ADGRV1: variants seen among roughly 807,000 people sequenced by gnomAD.
ADGRV1 encodes adhesion G protein-coupled receptor V1, also known as G-protein coupled receptor 98.
In ADGRV1, 359 loss-of-function variants were observed where a neutral mutation model predicts 596.2. That is an observed-to-expected ratio of 0.60 (90% CI 0.55 to 0.66). The LOEUF is 0.66. Ranked by LOEUF, ADGRV1 falls within the 30% of genes least tolerant of loss-of-function variation. ADGRV1 has a pLI of 0.00. For missense variants in ADGRV1, 7,274 were observed against 7,575.6 expected (o/e 0.96, Z 1.48); for synonymous variants, 2,681 against 2,679.2 (o/e 1.00, Z -0.02).
chr5:90,660,159 T>C (rs1561475863), intron 21 of ADGRV1, among the ~76,000 whole-genome samples: 1 of 152,208 alleles, frequency 6.6e-6, no homozygotes, highest in Non-Finnish European at 1.5e-5. Context: ...TACCCCCTTA[T>C]CACTAATTTT....
At chr5:91,103,806 A>G (rs1791604199) in intron 87 of ADGRV1, among the ~76,000 whole-genome samples, 1 of 152,178 alleles carries the variant, frequency 6.6e-6, no homozygotes. Context: ...TTATTAAATA[A>G]TAAATGAGTG....
At chr5:91,145,618 T>C (rs1795471238) in intron 87 of ADGRV1, among the ~76,000 whole-genome samples, 2 of 148,660 alleles carry the variant, frequency 1.3e-5, no homozygotes. Context: ...CTTATTATCA[T>C]ACACAATTTA....
chr5:90,820,491 A>T (rs1390129286), intron 75 of ADGRV1, among the ~76,000 whole-genome samples: 1 of 150,502 alleles, frequency 6.6e-6, no homozygotes, highest in African/African-American at 2.4e-5. Context: ...TCATTAGTTG[A>T]TGCAGTTTCT....
intron 1 of ADGRV1, among the ~76,000 whole-genome samples, chr5:90,580,066 A>C (rs1429582943): frequency 2.6e-5 from 4 of 151,854 alleles, no homozygotes; most frequent in Non-Finnish European, 4.4e-5. Flanking sequence ...TCTTTATTCA[A>C]TTTGCTAGTC....
chr5:90,968,755 G>A (rs1325671779), intron 84 of ADGRV1, among the ~76,000 whole-genome samples: 1 of 152,082 alleles, frequency 6.6e-6, no homozygotes, highest in Non-Finnish European at 1.5e-5. Flanking sequence ...TAGAAGGTTA[G>A]ACTATTATTA....
intron 85 of ADGRV1, among the ~76,000 whole-genome samples, chr5:91,060,881 T>G (rs1787370220): frequency 6.6e-6 from 1 of 152,200 alleles, no homozygotes; most frequent in Non-Finnish European, 1.5e-5. Flanking sequence ...TGATGAATAA[T>G]TAAACGTTTA....
intron 59 of ADGRV1, among the ~76,000 whole-genome samples, chr5:90,767,271 GT>G (rs917494999): frequency 6.6e-6 from 1 of 152,116 alleles, no homozygotes; most frequent in Non-Finnish European, 1.5e-5. Flanking sequence ...TCGTTTTATA[GT>G]TTTTGCTTTT....
At chr5:90,766,461 G>T (rs1757158042) in intron 59 of ADGRV1, among the ~76,000 whole-genome samples, 2 of 151,960 alleles carry the variant, frequency 1.3e-5, no homozygotes, top group African/African-American at 2.4e-5. Flanking sequence ...AATACTGATG[G>T]TGTAACATAA....
chr5:91,142,732 A>G (rs1301128521), intron 87 of ADGRV1, among the ~76,000 whole-genome samples: 1 of 152,218 alleles, frequency 6.6e-6, no homozygotes, highest in Admixed American at 6.5e-5. Context: ...CGTCAAGAAC[A>G]TTTATTAACT....
intron 61 of ADGRV1, among the ~76,000 whole-genome samples, chr5:90,777,123 C>A (rs13161278): frequency 6.6e-6 from 1 of 152,114 alleles, no homozygotes; most frequent in African/African-American, 2.4e-5. Flanking sequence ...GGGGAGGCCT[C>A]AGGAAACTTA....
chr5:90,796,377 A>G (rs1265926954), intron 70 of ADGRV1, among the ~76,000 whole-genome samples: 2 of 152,142 alleles, frequency 1.3e-5, no homozygotes, highest in Non-Finnish European at 2.9e-5. Context: ...AAATGATATG[A>G]TAGATTGAAG....
intron 85 of ADGRV1, among the ~76,000 whole-genome samples, chr5:91,041,448 G>A (rs1161154659): frequency 6.6e-6 from 1 of 151,984 alleles, no homozygotes; most frequent in African/African-American, 2.4e-5. Flanking sequence ...AGAACACATG[G>A]ACACAGGGAG....
At chr5:90,862,217 T>C (rs766435436) in intron 82 of ADGRV1, among the ~76,000 whole-genome samples, 34 of 152,210 alleles carry the variant, frequency 2.2e-4, no homozygotes, top group Non-Finnish European at 4.4e-4. Context: ...CTTGTGTATG[T>C]CTCCTTGCTG....
intron 85 of ADGRV1, among the ~76,000 whole-genome samples, chr5:91,026,522 C>G (rs1195828767): frequency 6.6e-6 from 1 of 152,108 alleles, no homozygotes; most frequent in Non-Finnish European, 1.5e-5. Context: ...ATTAAGTACA[C>G]ACTATTAAGT....
At chr5:90,955,870 C>A (rs1777430338) in intron 83 of ADGRV1, among the ~76,000 whole-genome samples, 1 of 152,054 alleles carries the variant, frequency 6.6e-6, no homozygotes, top group Admixed American at 6.6e-5. Flanking sequence ...GGAGGAATAA[C>A]AATTTTTTTT....
intron 87 of ADGRV1, among the ~76,000 whole-genome samples, chr5:91,129,882 G>A (rs564923918): frequency 1.4e-4 from 22 of 152,250 alleles, no homozygotes; most frequent in Admixed American, 5.9e-4. Flanking sequence ...TAGAGTCTGA[G>A]AGAACACAGA....
chr5:90,915,694 T>C (rs1773288456), intron 83 of ADGRV1, among the ~76,000 whole-genome samples: 1 of 152,160 alleles, frequency 6.6e-6, no homozygotes, highest in African/African-American at 2.4e-5. Flanking sequence ...TGACCTATGA[T>C]GGGAAGACCC....
chr5:91,104,326 AT>A (rs1791657910), intron 87 of ADGRV1, among the ~76,000 whole-genome samples: 1 of 152,232 alleles, frequency 6.6e-6, no homozygotes, highest in East Asian at 1.9e-4. Flanking sequence ...ACACATAATA[AT>A]TGTATATTTA....
In ADGRV1 at chr5:90,784,029, G is replaced by A. The variant is rs752756548; in HGVS notation, c.13625G>A (p.Arg4542Gln). Residue 4542 changes from arginine to glutamine, a missense_variant, in exon 67 of 90, where the codon CGG (arginine) becomes CAG (glutamine). By Grantham distance (43) the Arg-to-Gln change is conservative. Around this residue, in one of 5 missense-constraint regions of ADGRV1, gnomAD observed 3,643 missense variants for 3,809.2 expected, o/e 0.96. Coordinates refer to ENST00000405460, the MANE Select transcript of ADGRV1 (RefSeq NM_032119.4). ...STMILSLVLERTGGLLGEIQV... is the reference protein window; with the variant it reads ...STMILSLVLEQTGGLLGEIQV... ...ATGATTTTATCACTGGTGCTGGAGC[G>A]GACTGGAGGACTCTTGGGAGAGATT... is the stretch of plus-strand genomic sequence containing the variant. 7 of 1,611,766 alleles carry A rather than the reference G, an allele frequency of 4.3e-6. No homozygotes were observed. In the East Asian group the frequency reaches 1.1e-4, roughly 26 times the overall value.
Sources: allele counts gnomAD v4.1 joint callset (sites outside exome capture counted in the v4.1 genomes callset), GRCh38; gene constraint gnomAD v4.1.1; regional missense constraint gnomAD v4.1.1; transcripts MANE v1.5; gene names NCBI Gene and HGNC (gene_info 2026-07-23, HGNC 2026-07-21).